MOXD1: variants seen among roughly 807,000 people sequenced by gnomAD.
MOXD1 encodes the protein monooxygenase DBH like 1.
In MOXD1, 62 loss-of-function variants were observed where a neutral mutation model predicts 66.6. The ratio of observed to expected loss-of-function variants is 0.93; its 90% CI spans 0.76 to 1.15. MOXD1 has a LOEUF of 1.15. MOXD1 is among the 50% of genes most tolerant of loss of function. The pLI is 0.00. For synonymous variants in MOXD1, 303 were observed against 281.9 expected, an observed-to-expected ratio of 1.07 and a Z score of -0.75; for missense variants, 847 against 754.6, an observed-to-expected ratio of 1.12 and a Z score of -1.44.
At chr6:132,300,316 G>T (rs954246480) in intron 10 of MOXD1, among the ~76,000 whole-genome samples, 6 of 152,078 alleles carry the variant, frequency 3.9e-5, no homozygotes, top group Admixed American at 6.6e-5. Flanking sequence ...GCAAAAACTT[G>T]ACTTGAAAGA....
At chr6:132,360,511 C>T (rs1302943915) in intron 4 of MOXD1, among the ~76,000 whole-genome samples, 4 of 152,188 alleles carry the variant, frequency 2.6e-5, no homozygotes, top group Non-Finnish European at 4.4e-5. Context: ...CCACTACTTC[C>T]ACCTACCTAA....
intron 4 of MOXD1, among the ~76,000 whole-genome samples, chr6:132,358,787 T>C (rs980855970): frequency 6.6e-6 from 1 of 152,174 alleles, no homozygotes; most frequent in Non-Finnish European, 1.5e-5. Context: ...TGGAAGATTG[T>C]GATGACTAAG....
chr6:132,335,550 A>G (rs1410948078), intron 4 of MOXD1, among the ~76,000 whole-genome samples: 1 of 152,162 alleles, frequency 6.6e-6, no homozygotes, highest in African/African-American at 2.4e-5. Flanking sequence ...TGATGCTGCC[A>G]CAAGCCCAGG....
intron 4 of MOXD1, among the ~76,000 whole-genome samples, chr6:132,345,814 CT>C (rs937664963): frequency 1.2e-4 from 18 of 148,744 alleles, no homozygotes; most frequent in South Asian, 2.1e-4. Flanking sequence ...CTAAAGGAGT[CT>C]TTTTTTTTTC....
At chr6:132,309,158 C>T (rs1428632915) in intron 10 of MOXD1, among the ~76,000 whole-genome samples, 1 of 152,180 alleles carries the variant, frequency 6.6e-6, no homozygotes, top group Non-Finnish European at 1.5e-5. Flanking sequence ...AACTGATAAG[C>T]ATCTTCAGCA....
chr6:132,339,105 AATAT>A (rs1775498724), intron 4 of MOXD1, among the ~76,000 whole-genome samples: 1 of 152,196 alleles, frequency 6.6e-6, no homozygotes, highest in Non-Finnish European at 1.5e-5. Context: ...GTAATCATGA[AATAT>A]ATATTTGTGA....
At chr6:132,392,752 A>G (rs937528440) in intron 1 of MOXD1, among the ~76,000 whole-genome samples, 8 of 152,256 alleles carry the variant, frequency 5.3e-5, no homozygotes, top group Admixed American at 1.3e-4. Flanking sequence ...CCAATAGATT[A>G]TGTTGAGATA....
intron 1 of MOXD1, among the ~76,000 whole-genome samples, chr6:132,382,216 T>C (rs1582606177): frequency 6.6e-6 from 1 of 152,080 alleles, no homozygotes; most frequent in Non-Finnish European, 1.5e-5. Context: ...AGACTTTATG[T>C]GGGTAAGAAG....
At chr6:132,329,502 C>T (rs59626829) in intron 4 of MOXD1, among the ~76,000 whole-genome samples, 17,753 of 151,842 alleles carry the variant, frequency 0.12, 1,309 homozygotes, top group South Asian at 0.22. Flanking sequence ...TGGGCACAAA[C>T]GCTCTTAGTC....
intron 1 of MOXD1, among the ~76,000 whole-genome samples, chr6:132,377,895 AG>A (rs375097282): frequency 1.3e-5 from 2 of 152,092 alleles, no homozygotes; most frequent in African/African-American, 4.8e-5. Context: ...TAGGAGGCCA[AG>A]GGGGGTGGAT....
At chr6:132,392,620 T>G (rs1472388462) in intron 1 of MOXD1, among the ~76,000 whole-genome samples, 3 of 152,138 alleles carry the variant, frequency 2.0e-5, no homozygotes, top group Non-Finnish European at 4.4e-5. Context: ...GAAAAGCCAG[T>G]GCAAAAGGAG....
intron 1 of MOXD1, among the ~76,000 whole-genome samples, chr6:132,397,541 C>T (rs1473818067): frequency 1.3e-5 from 2 of 151,580 alleles, no homozygotes; most frequent in East Asian, 3.9e-4. Flanking sequence ...TGAATGCACA[C>T]TATATGATGG....
At chr6:132,368,968 T>C (rs1182999237) in intron 4 of MOXD1, among the ~76,000 whole-genome samples, 1 of 152,132 alleles carries the variant, frequency 6.6e-6, no homozygotes, top group Non-Finnish European at 1.5e-5. Flanking sequence ...GCAAAACAAT[T>C]ATAACAATAT....
intron 10 of MOXD1, among the ~76,000 whole-genome samples, chr6:132,303,848 T>C (rs1455710385): frequency 3.6e-5 from 2 of 55,296 alleles, no homozygotes; most frequent in Non-Finnish European, 6.1e-5. Flanking sequence ...TATATATATA[T>C]ATATATATAT....
intron 6 of MOXD1, among the ~76,000 whole-genome samples, chr6:132,326,245 AT>A (rs1213692565): frequency 6.6e-6 from 1 of 151,960 alleles, no homozygotes; most frequent in Non-Finnish European, 1.5e-5. Flanking sequence ...TAAAATTACT[AT>A]AATCTAAAAT....
intron 10 of MOXD1, among the ~76,000 whole-genome samples, chr6:132,313,325 T>C (rs1007932953): frequency 3.3e-5 from 5 of 152,222 alleles, no homozygotes; most frequent in Admixed American, 1.3e-4. Flanking sequence ...ATCATGCATA[T>C]GAAAATACTT....
At chr6:132,327,518 G>A (rs773709479) in intron 6 of MOXD1, among the ~76,000 whole-genome samples, 3 of 152,180 alleles carry the variant, frequency 2.0e-5, no homozygotes, top group Non-Finnish European at 4.4e-5. Flanking sequence ...GAAACAAAAT[G>A]TACATCCTTA....
At chr6:132,306,807 A>G (rs1294808393) in intron 10 of MOXD1, among the ~76,000 whole-genome samples, 1 of 152,198 alleles carries the variant, frequency 6.6e-6, no homozygotes, top group African/African-American at 2.4e-5. Flanking sequence ...CAGACAAGCA[A>G]ATGCTGAGGG....
intron 4 of MOXD1, among the ~76,000 whole-genome samples, chr6:132,359,260 G>A (rs905333477): frequency 2.6e-5 from 4 of 151,624 alleles, no homozygotes; most frequent in African/African-American, 9.7e-5. Flanking sequence ...GCTGGTACCA[G>A]CTAAATTTTT....
Sources: gnomAD v4.1 joint callset for allele counts (sites outside exome capture counted in the v4.1 genomes callset) on GRCh38, gnomAD v4.1.1 for gene constraint, MANE v1.5 for transcripts, NCBI Gene and HGNC (gene_info 2026-07-23, HGNC 2026-07-21) for gene names.